GPC5: variants seen among roughly 807,000 people sequenced by gnomAD.
GPC5 encodes the protein glypican 5, also known as glypican-5.
GPC5 carries 47 observed loss-of-function variants against 53.9 expected under a neutral mutation model. That is an observed-to-expected ratio of 0.87 (90% CI 0.69 to 1.11). The LOEUF is 1.11. GPC5 is among the 50% of genes most tolerant of loss of function. GPC5 has a pLI of 0.00. For missense variants in GPC5, 748 were observed against 713.1 expected (o/e 1.05, Z -0.56); for synonymous variants, 286 against 263.3 (o/e 1.09, Z -0.84).
chr13:92,424,849 A>G (rs977670335), intron 7 of GPC5, among the ~76,000 whole-genome samples: 2 of 150,424 alleles, frequency 1.3e-5, no homozygotes, highest in African/African-American at 5.0e-5. Context: ...CATTCATTGA[A>G]CATGTACTGA....
intron 7 of GPC5, among the ~76,000 whole-genome samples, chr13:92,460,661 A>C (rs541869919): frequency 6.6e-6 from 1 of 152,292 alleles, no homozygotes; most frequent in East Asian, 1.9e-4. Flanking sequence ...TCCCATAAGG[A>C]AGAAAATATT....
At chr13:91,597,010 T>A (rs1254163245) in intron 2 of GPC5, among the ~76,000 whole-genome samples, 2 of 152,202 alleles carry the variant, frequency 1.3e-5, no homozygotes, top group Non-Finnish European at 2.9e-5. Context: ...AGTGTCTCCC[T>A]AACTCAATAA....
intron 7 of GPC5, among the ~76,000 whole-genome samples, chr13:92,261,411 A>G (rs2042766087): frequency 6.6e-6 from 1 of 152,136 alleles, no homozygotes; most frequent in Non-Finnish European, 1.5e-5. Flanking sequence ...AAGAAATTAA[A>G]TATTACATAG....
At chr13:92,569,742 C>A (rs189536547) in intron 7 of GPC5, among the ~76,000 whole-genome samples, 1 of 152,264 alleles carries the variant, frequency 6.6e-6, no homozygotes, top group African/African-American at 2.4e-5. Context: ...TTCAATGCCA[C>A]TGTACATCTG....
intron 7 of GPC5, among the ~76,000 whole-genome samples, chr13:92,539,552 G>A (rs1344920781): frequency 6.6e-6 from 1 of 151,844 alleles, no homozygotes; most frequent in Non-Finnish European, 1.5e-5. Context: ...TAAGTTCTTT[G>A]TAGATTCTGG....
At chr13:91,687,983 T>C (rs1453423314) in intron 2 of GPC5, among the ~76,000 whole-genome samples, 1 of 152,072 alleles carries the variant, frequency 6.6e-6, no homozygotes, top group Non-Finnish European at 1.5e-5. Context: ...AACAATTATT[T>C]TATATGTCTA....
chr13:92,166,288 G>A (rs552171195), intron 7 of GPC5, among the ~76,000 whole-genome samples: 115 of 152,240 alleles, frequency 7.6e-4, no homozygotes, highest in South Asian at 2.5e-3. Context: ...AATACATGAA[G>A]TAACAAGACC....
intron 2 of GPC5, among the ~76,000 whole-genome samples, chr13:91,501,830 C>T (rs1274940725): frequency 6.6e-6 from 1 of 152,200 alleles, no homozygotes; most frequent in Non-Finnish European, 1.5e-5. Context: ...CACTGACTTC[C>T]ACAATGGTTG....
chr13:92,863,770 G>A (rs749681079), intron 7 of GPC5, among the ~76,000 whole-genome samples: 30 of 152,218 alleles, frequency 2.0e-4, no homozygotes, highest in Middle Eastern at 3.4e-3. Context: ...TGAGATTACA[G>A]GTGTGAGCCA....
At chr13:92,435,340 A>G (rs1877258353) in intron 7 of GPC5, among the ~76,000 whole-genome samples, 1 of 152,212 alleles carries the variant, frequency 6.6e-6, no homozygotes, top group African/African-American at 2.4e-5. Flanking sequence ...TAAATATAAA[A>G]ATAAATGTAT....
chr13:91,607,618 A>G (rs2139282989), intron 2 of GPC5, among the ~76,000 whole-genome samples: 1 of 152,366 alleles, frequency 6.6e-6, no homozygotes, highest in South Asian at 2.1e-4. Context: ...CAAAGGTTTT[A>G]GTAGAAAGCA....
chr13:92,200,974 G>GACACAC (rs66619017), intron 7 of GPC5, among the ~76,000 whole-genome samples: 46 of 147,030 alleles, frequency 3.1e-4, no homozygotes, highest in South Asian at 1.3e-3. Context: ...CAGGCACTCA[G>GACACAC]ACACACACAC....
At chr13:92,641,206 A>G (rs1885584296) in intron 7 of GPC5, among the ~76,000 whole-genome samples, 1 of 152,178 alleles carries the variant, frequency 6.6e-6, no homozygotes, top group Non-Finnish European at 1.5e-5. Context: ...TTTGCTGCAA[A>G]TTAACCTCAC....
intron 6 of GPC5, among the ~76,000 whole-genome samples, chr13:92,095,138 G>C (rs1186058458): frequency 1.3e-5 from 2 of 152,058 alleles, no homozygotes; most frequent in African/African-American, 2.4e-5. Context: ...CCAACTCTCT[G>C]TGCATTATCA....
intron 7 of GPC5, among the ~76,000 whole-genome samples, chr13:92,147,528 C>A (rs1407585436): frequency 1.3e-5 from 2 of 151,962 alleles, no homozygotes; most frequent in African/African-American, 4.8e-5. Flanking sequence ...GAGGTAGAGG[C>A]AGTGAAGCAT....
intron 2 of GPC5, among the ~76,000 whole-genome samples, chr13:91,571,918 A>ATG (rs2031864046): frequency 9.2e-6 from 1 of 108,718 alleles, no homozygotes; most frequent in African/African-American, 3.6e-5. Context: ...ATATATACAC[A>ATG]TATTGTATAT....
intron 7 of GPC5, among the ~76,000 whole-genome samples, chr13:92,205,184 TG>T (rs1219494366): frequency 6.6e-6 from 1 of 152,162 alleles, no homozygotes; most frequent in Non-Finnish European, 1.5e-5. Flanking sequence ...GGCCCTGTTT[TG>T]TTTTTTTGTT....
chr13:92,718,685 C>A (rs1224205520), intron 7 of GPC5, among the ~76,000 whole-genome samples: 1 of 152,018 alleles, frequency 6.6e-6, no homozygotes, highest in East Asian at 1.9e-4. Flanking sequence ...ACCAGCCTGG[C>A]CAACATGGTG....
chr13:92,051,640 C>G (rs1231720179), intron 6 of GPC5, among the ~76,000 whole-genome samples: 1 of 152,162 alleles, frequency 6.6e-6, no homozygotes, highest in Non-Finnish European at 1.5e-5. Context: ...TACATTTTGA[C>G]CTTAGTGGCT....
Sources: gnomAD v4.1 joint callset for allele counts (sites outside exome capture counted in the v4.1 genomes callset) on GRCh38, gnomAD v4.1.1 for gene constraint, MANE v1.5 for transcripts, NCBI Gene and HGNC (gene_info 2026-07-23, HGNC 2026-07-21) for gene names.